Variants in PRELID2 observed in about 807,000 individuals in gnomAD.
PRELID2 encodes the protein PRELI domain containing 2.
PRELID2 carries 25 observed loss-of-function variants against 28.4 expected under a neutral mutation model. That is an observed-to-expected ratio of 0.88 (90% confidence interval 0.64 to 1.23). The LOEUF (loss-of-function observed/expected upper bound fraction) is 1.23. PRELID2 is among the 50% of genes most tolerant of loss of function. The probability of loss-of-function intolerance (pLI) is 0.00; values close to 1 mark genes in which losing one functional copy is unlikely to be tolerated. For synonymous variants in PRELID2, 76 were observed against 71.6 expected, an observed-to-expected ratio of 1.06 and a Z score of -0.31; for missense variants, 201 against 214.4, an observed-to-expected ratio of 0.94 and a Z score of 0.39.
intron 1 of PRELID2, among the ~76,000 whole-genome samples, chr5:145,476,817 G>A (rs181671815): frequency 1.2e-3 from 178 of 152,034 alleles, no homozygotes; most frequent in Non-Finnish European, 1.8e-3. Flanking sequence ...CCCCAAAAGC[G>A]CACAGAGGAA....
the PRELID2 span, among the ~76,000 whole-genome samples, chr5:145,275,855 T>G: frequency 2.0e-4 from 31 of 152,148 alleles, no homozygotes; most frequent in African/African-American, 7.0e-4. Flanking sequence ...GGTGAGTTAC[T>G]TAATCTCTCT....
the PRELID2 span, among the ~76,000 whole-genome samples, chr5:145,245,385 G>A: frequency 6.6e-6 from 1 of 152,130 alleles, no homozygotes; most frequent in East Asian, 1.9e-4. Flanking sequence ...CACGGAAAGA[G>A]AAAGTGAGCG....
chr5:145,311,869 G>T, the PRELID2 span, among the ~76,000 whole-genome samples: 2 of 151,984 alleles, frequency 1.3e-5, no homozygotes, highest in Non-Finnish European at 2.9e-5. Flanking sequence ...TCTCATAACA[G>T]ATATGAGAAG....
chr5:145,664,387 G>C (rs545254454), intron 1 of PRELID2, among the ~76,000 whole-genome samples: 2 of 152,218 alleles, frequency 1.3e-5, no homozygotes, highest in Admixed American at 6.5e-5. Context: ...AATGAAGAAG[G>C]CCATCAGAAC....
At chr5:145,247,244 C>G in the PRELID2 span, among the ~76,000 whole-genome samples, 1 of 152,234 alleles carries the variant, frequency 6.6e-6, no homozygotes, top group African/African-American at 2.4e-5. Context: ...CCTCAATTCC[C>G]GAGCCCCTAC....
chr5:145,395,504 G>A, the PRELID2 span, among the ~76,000 whole-genome samples: 1 of 152,132 alleles, frequency 6.6e-6, no homozygotes, highest in African/African-American at 2.4e-5. Flanking sequence ...TAACTCACCT[G>A]AGAACAAGCC....
At chr5:145,634,339 TA>T (rs1753972095) in intron 1 of PRELID2, among the ~76,000 whole-genome samples, 1 of 152,098 alleles carries the variant, frequency 6.6e-6, no homozygotes, top group South Asian at 2.1e-4. Context: ...GCCTTCAGGA[TA>T]AAAATCCAGA....
intron 1 of PRELID2, among the ~76,000 whole-genome samples, chr5:145,544,969 A>C (rs948286989): frequency 6.6e-6 from 1 of 152,104 alleles, no homozygotes; most frequent in Admixed American, 6.6e-5. Context: ...TGTCAAGTCG[A>C]ATTTTTTTCT....
intron 1 of PRELID2, among the ~76,000 whole-genome samples, chr5:145,487,921 G>A (rs950798908): frequency 2.6e-5 from 4 of 151,684 alleles, no homozygotes; most frequent in African/African-American, 4.8e-5. Flanking sequence ...TCAGGAGATC[G>A]AGACCATCCT....
At chr5:145,299,395 T>A in the PRELID2 span, among the ~76,000 whole-genome samples, 1 of 152,212 alleles carries the variant, frequency 6.6e-6, no homozygotes, top group South Asian at 2.1e-4. Flanking sequence ...CTAATTGTGA[T>A]GTTTAATCTA....
intron 5 of PRELID2, among the ~76,000 whole-genome samples, chr5:145,780,591 A>T (rs1206725398): frequency 6.6e-6 from 1 of 152,238 alleles, no homozygotes; most frequent in African/African-American, 2.4e-5. Context: ...CCTATTTAAA[A>T]CATTGTTAAA....
the PRELID2 span, among the ~76,000 whole-genome samples, chr5:145,349,832 A>T: frequency 6.6e-6 from 1 of 152,182 alleles, no homozygotes; most frequent in Non-Finnish European, 1.5e-5. Context: ...AATACTGCAT[A>T]TCAAATCATC....
the PRELID2 span, among the ~76,000 whole-genome samples, chr5:145,424,544 C>A: frequency 6.6e-6 from 1 of 152,204 alleles, no homozygotes; most frequent in Admixed American, 6.5e-5. Context: ...AAAGGGAACT[C>A]CCTGACCCCT....
chr5:145,786,939 G>A (rs531553423), intron 5 of PRELID2, among the ~76,000 whole-genome samples: 8 of 152,228 alleles, frequency 5.3e-5, no homozygotes, highest in South Asian at 2.1e-4. Context: ...TCTTAAAAGC[G>A]ATGTTCAAAT....
chr5:145,270,003 A>G, the PRELID2 span, among the ~76,000 whole-genome samples: 1 of 151,472 alleles, frequency 6.6e-6, no homozygotes, highest in Non-Finnish European at 1.5e-5. Context: ...TATGCTTGAG[A>G]TTATTAAAAT....
At chr5:145,300,090 G>C in the PRELID2 span, among the ~76,000 whole-genome samples, 1 of 151,604 alleles carries the variant, frequency 6.6e-6, no homozygotes, top group East Asian at 1.9e-4. Flanking sequence ...CATCTTCACT[G>C]CCTGTGTATA....
downstream of PRELID2, among the ~76,000 whole-genome samples, chr5:145,754,969 C>G (rs1271764047): frequency 6.6e-6 from 1 of 152,162 alleles, no homozygotes; most frequent in Non-Finnish European, 1.5e-5. Context: ...ACTCTACACT[C>G]AATAAGTGTA....
At chr5:145,487,243 AT>A (rs201273237) in intron 1 of PRELID2, among the ~76,000 whole-genome samples, 58 of 149,940 alleles carry the variant, frequency 3.9e-4, no homozygotes, top group East Asian at 1.6e-3. Context: ...AAGTATAATA[AT>A]AAAAAAAAAG....
chr5:145,560,369 A>G (rs1469894231), intron 1 of PRELID2, among the ~76,000 whole-genome samples: 1 of 152,218 alleles, frequency 6.6e-6, no homozygotes, highest in Non-Finnish European at 1.5e-5. Context: ...CCTATCACTT[A>G]CCCAGCACAT....
Sources: gnomAD v4.1 joint callset for allele counts (sites outside exome capture counted in the v4.1 genomes callset) on GRCh38, gnomAD v4.1.1 for gene constraint, MANE v1.5 for transcripts, NCBI Gene and HGNC (gene_info 2026-07-23, HGNC 2026-07-21) for gene names.